PRDM8: variants seen among roughly 807,000 people sequenced by gnomAD.
PRDM8 encodes the protein PR domain zinc finger protein 8.
Under a neutral mutation model 46.5 loss-of-function variants are expected in PRDM8, and 13 were observed. That is an observed-to-expected ratio of 0.28 (90% CI 0.18 to 0.44). The LOEUF (loss-of-function observed/expected upper bound fraction) is 0.44. PRDM8 is among the 20% of genes least tolerant of loss of function. The pLI, the probability that PRDM8 is intolerant of heterozygous loss-of-function variation, is 1.00. For missense variants in PRDM8, 998 were observed against 955.0 expected (o/e 1.04, Z -0.59); for synonymous variants, 473 against 438.4 (o/e 1.08, Z -0.98).
At chr4:80,200,981 C>T (rs1738396918) in intron 2 of PRDM8, among the ~76,000 whole-genome samples, 1 of 152,156 alleles carries the variant, frequency 6.6e-6, no homozygotes, top group African/African-American at 2.4e-5. Flanking sequence ...TAGAAGTAAA[C>T]TCTCAAGGGG....
At chr4:80,194,616 T>A (rs552127446), upstream of PRDM8, among the ~76,000 whole-genome samples, 37 of 152,368 alleles carry the variant, frequency 2.4e-4, no homozygotes, top group African/African-American at 8.9e-4. Context: ...ACTCTTCAAG[T>A]AAGAATTTCG....
At chr4:80,191,045 T>A (rs1737505313) in intron 1 of PRDM8, among the ~76,000 whole-genome samples, 1 of 152,252 alleles carries the variant, frequency 6.6e-6, no homozygotes, top group Non-Finnish European at 1.5e-5. Flanking sequence ...ATTTGCTCCC[T>A]TGGGACCAAT....
chr4:80,195,508 G>C (rs911516348), upstream of PRDM8, among the ~76,000 whole-genome samples: 25 of 151,900 alleles, frequency 1.6e-4, 1 homozygote, highest in East Asian at 5.8e-4. Context: ...TTGTGTGTGT[G>C]TGTGTGTGTG....
chr4:80,191,447 T>C (rs1041222822), intron 1 of PRDM8: 4 of 126,874 alleles, frequency 3.2e-5, no homozygotes. Flanking sequence ...AGATTATGAA[T>C]AATACCACGG....
chr4:80,188,730 G>A (rs1237610379), intron 1 of PRDM8, among the ~76,000 whole-genome samples: 3 of 152,234 alleles, frequency 2.0e-5, no homozygotes, highest in African/African-American at 4.8e-5. Context: ...CATATAACTT[G>A]AGACGGTGCG....
chr4:80,201,055 A>G lies in PRDM8; in HGVS notation c.220-235A>G, dbSNP rs142319380. Among the ~76,000 whole-genome samples the G allele has an allele frequency of 2.3e-4, 35 of 152,358 alleles. No homozygotes were observed. In the East Asian group the frequency reaches 6.6e-3, roughly 29 times the overall value. ...ATTCAACCAATATATAAAAACGGTG[A>G]CTTAAATAAACTATATGATTGATGC... On this transcript the variant is annotated intron_variant, in intron 2 of 3. Transcript: ENST00000415738.
intron 2 of PRDM8, among the ~76,000 whole-genome samples, chr4:80,192,024 C>T (rs1737585824): frequency 1.3e-5 from 2 of 152,132 alleles, no homozygotes; most frequent in Admixed American, 1.3e-4. Context: ...TTTTTACTTT[C>T]TTTCTCTCGC....
chr4:80,203,041 C>A lies in PRDM8; in HGVS notation c.1579C>A (p.His527Asn). The A allele has an allele frequency of 6.4e-7, 1 of 1,550,664 alleles. No individual in the cohort carries two copies. The highest frequency in any genetic ancestry group is 1.2e-5 in the South Asian group (1 of 85,376). ...GQKLGALEPC[H>N]PADGVGPTRL... ...GAAGCTGGGCGCGCTCGAGCCATGC[C>A]ACCCCGCCGACGGCGTGGGCCCCAC... The change falls in exon 4 of 4, where the codon CAC (histidine) becomes AAC (asparagine). Residue 527 changes from histidine to asparagine, a missense_variant. Transcript: ENST00000415738.
chr4:80,200,035 G>A (rs375191309), intron 1 of PRDM8, 44 bp from the exon 2 acceptor site: 115 of 1,517,268 alleles, frequency 7.6e-5, no homozygotes, highest in Non-Finnish European at 9.7e-5. Context: ...GGCGTTAAAA[G>A]CAGTAACATA....
chr4:80,193,966 T>C (rs1345119611), upstream of PRDM8: 1 of 152,258 alleles, frequency 6.6e-6, no homozygotes, highest in Non-Finnish European at 1.5e-5. Context: ...TGAATTATTC[T>C]TGGAGATGTT....
At chr4:80,198,997 T>G (rs1219882901) in intron 1 of PRDM8, among the ~76,000 whole-genome samples, 5 of 112,104 alleles carry the variant, frequency 4.5e-5, no homozygotes, top group Non-Finnish European at 6.5e-5. Context: ...TTTTTTTGTT[T>G]TTTTTTTTTT....
upstream of PRDM8, among the ~76,000 whole-genome samples, chr4:80,193,147 C>T (rs575304074): frequency 1.3e-5 from 2 of 152,292 alleles, no homozygotes; most frequent in South Asian, 2.1e-4. Context: ...ATGATCCCTA[C>T]AGTTGGGAGC....
chr4:80,202,463 G>A lies in PRDM8; in HGVS notation c.1001G>A (p.Gly334Asp). 1 of 1,543,892 alleles carries A rather than the reference G, an allele frequency of 6.5e-7. No homozygotes were observed. Among genetic ancestry groups the A allele is most frequent in the Non-Finnish European group, 8.7e-7 (1 of 1,146,428 alleles). ...GGCGCTGGTCTGGTAGGGGGCCGGG[G>A]CCGCTTCGTAGAGCGGCCCCTCCCG... is the stretch of plus-strand genomic sequence containing the variant. ...GGGAGLVGGR[G>D]RFVERPLPAS... is the part of the protein sequence containing the mutation. Residue 334 changes from glycine (G) to aspartate (D), a missense_variant, in exon 4 of 4, where the codon GGC becomes GAC. Coordinates refer to ENST00000415738, the MANE Select transcript of PRDM8 (RefSeq NM_001099403.2).
upstream of PRDM8, chr4:80,197,340 G>T: frequency 1.0e-6 from 1 of 962,298 alleles, no homozygotes; most frequent in Non-Finnish European, 1.2e-6. Flanking sequence ...AGGCGCTCAG[G>T]ATCTGCGGGG....
chr4:80,192,344 G>C (rs970655387), intron 2 of PRDM8, among the ~76,000 whole-genome samples: 1 of 152,180 alleles, frequency 6.6e-6, no homozygotes, highest in Non-Finnish European at 1.5e-5. Flanking sequence ...TGGCACACAG[G>C]TACTGAATTG....
chr4:80,202,906 G>T lies in PRDM8; in HGVS notation c.1444G>T (p.Ala482Ser), dbSNP rs1738648253. 7.5e-7 allele frequency: 1 copy of T among 1,337,980 alleles called. No homozygotes were observed. The highest frequency in any genetic ancestry group is 9.5e-7 in the Non-Finnish European group (1 of 1,055,638). The allele number at this position is 1,337,980 out of a possible 1,614,324, so 82.9% of individuals were successfully genotyped here. A position where few individuals can be genotyped will look rare whatever the true frequency, so the allele number is the denominator to read the frequency against. Residue 482 changes from alanine to serine, a missense_variant, in exon 4 of 4, where the codon GCC (alanine) becomes TCC (serine). Transcript: ENST00000415738. The stretch of plus-strand genomic sequence containing the variant: ...CGGTGGGGGCGGAACGGGCGCCGGG[G>T]CCGCAGGCGGCGCGGGCGGGGGCCA... ...TSGGGGTGAGAAGGAGGGQGA... is the reference protein window; with the variant it reads ...TSGGGGTGAGSAGGAGGGQGA...
In PRDM8 at chr4:80,202,585, A is replaced by G; in HGVS notation, c.1123A>G (p.Ser375Gly). The G allele has an allele frequency of 6.5e-7, 1 of 1,533,778 alleles. No homozygotes were observed. Among genetic ancestry groups the G allele is most frequent in the South Asian group, 1.2e-5 (1 of 83,912 alleles). Residue 375 changes from serine (S) to glycine (G), a missense_variant, in exon 4 of 4, where the codon AGT becomes GGT. By Grantham distance (56) the Ser-to-Gly change is moderately conservative. Transcript: ENST00000415738. ...EENGRLFAPP[S>G]PETGEAKRSA... is the part of the protein sequence containing the mutation. The stretch of plus-strand genomic sequence containing the variant: ...GAACGGCCGCCTCTTCGCGCCGCCA[A>G]GTCCCGAGACGGGCGAGGCGAAGCG...
At chr4:80,199,999 A>T (rs1738304325) in intron 1 of PRDM8, 80 bp from the exon 2 acceptor site, 6 of 1,170,424 alleles carry the variant, frequency 5.1e-6, no homozygotes, top group Non-Finnish European at 7.4e-6. Flanking sequence ...TCTACCTAGT[A>T]TTTGGACAGT....
chr4:80,195,786 C>T (rs1022059454), upstream of PRDM8, among the ~76,000 whole-genome samples: 1 of 152,050 alleles, frequency 6.6e-6, no homozygotes, highest in African/African-American at 2.4e-5. Flanking sequence ...CTAAGGGATT[C>T]CCCATTTTCT....
Sources: gnomAD v4.1 joint callset for allele counts (sites outside exome capture counted in the v4.1 genomes callset) on GRCh38, gnomAD v4.1.1 for gene constraint, MANE v1.5 for transcripts, NCBI Gene and HGNC (gene_info 2026-07-23, HGNC 2026-07-21) for gene names.